KCNN2: variants seen among roughly 807,000 people sequenced by gnomAD.
KCNN2 encodes the protein potassium calcium-activated channel subfamily N member 2.
KCNN2 carries 24 observed loss-of-function variants against 55.5 expected under a neutral mutation model. That is an observed-to-expected ratio of 0.43 (90% CI 0.31 to 0.61). The LOEUF (loss-of-function observed/expected upper bound fraction) is 0.61, where lower values mean the gene tolerates loss of function less well. Among genes scored for constraint, KCNN2 ranks in the 20% least tolerant of loss-of-function variants. KCNN2 has a pLI of 0.08. For missense variants in KCNN2, 754 were observed against 853.6 expected (o/e 0.88, Z 1.45); for synonymous variants, 431 against 336.1 (o/e 1.28, Z -3.09).
At chr5:114,124,286 A>G (rs1432518413) in intron 1 of KCNN2, among the ~76,000 whole-genome samples, 1 of 152,222 alleles carries the variant, frequency 6.6e-6, no homozygotes, top group Non-Finnish European at 1.5e-5. Context: ...CTTTCCCCAA[A>G]TCACAAATAA....
intron 1 of KCNN2, among the ~76,000 whole-genome samples, chr5:114,109,628 A>G (rs1751554742): frequency 6.6e-6 from 1 of 152,086 alleles, no homozygotes; most frequent in African/African-American, 2.4e-5. Context: ...GGGTGGGACA[A>G]ATTGGGAGAA....
chr5:114,467,696 C>CA lies in KCNN2; in HGVS notation c.1779+4513dup, dbSNP rs1171636635. 3.3e-5 allele frequency among the ~76,000 whole-genome samples: 5 copies of CA among 151,780 alleles called. No individual in the cohort carries two copies. In the East Asian group the frequency reaches 5.8e-4, roughly 18 times the overall value. On this transcript the variant is annotated intron_variant, in intron 4 of 7. Coordinates refer to ENST00000673685, the MANE Select transcript of KCNN2 (RefSeq NM_021614.4). ...ACCAAGAAATTTCATAAGTGGATCG[C>CA]AAAAAAATGTCTTAAATATGACAGC...
At chr5:114,468,608 A>T (rs1340032760) in intron 4 of KCNN2, among the ~76,000 whole-genome samples, 1 of 152,244 alleles carries the variant, frequency 6.6e-6, no homozygotes, top group Admixed American at 6.5e-5. Context: ...AGGAGCTATT[A>T]TAAATCCCAC....
chr5:114,333,108 A>G (rs1195417585), intron 2 of KCNN2, among the ~76,000 whole-genome samples: 1 of 152,240 alleles, frequency 6.6e-6, no homozygotes. Flanking sequence ...TTACAGTCAG[A>G]AAGAATAAAT....
At chr5:114,139,252 A>G (rs1402678811) in intron 1 of KCNN2, among the ~76,000 whole-genome samples, 1 of 152,090 alleles carries the variant, frequency 6.6e-6, no homozygotes, top group African/African-American at 2.4e-5. Flanking sequence ...TGCATACTTG[A>G]TAATTTTGTG....
chr5:114,271,528 C>T (rs955163782), intron 2 of KCNN2, among the ~76,000 whole-genome samples: 1 of 152,136 alleles, frequency 6.6e-6, no homozygotes, highest in Non-Finnish European at 1.5e-5. Context: ...CAATACTATC[C>T]TCAAGGTGTA....
At chr5:114,440,051 G>C (rs1480605682) in intron 3 of KCNN2, among the ~76,000 whole-genome samples, 1 of 151,924 alleles carries the variant, frequency 6.6e-6, no homozygotes, top group Non-Finnish European at 1.5e-5. Flanking sequence ...TAAGACATAA[G>C]CCTCCCTCCA....
intron 3 of KCNN2, among the ~76,000 whole-genome samples, chr5:114,410,525 A>G (rs1304589746): frequency 6.6e-6 from 1 of 152,200 alleles, no homozygotes; most frequent in Non-Finnish European, 1.5e-5. Flanking sequence ...CATACTTGAC[A>G]TATGACAATA....
chr5:114,063,810 C>T (rs1428052554), intron 1 of KCNN2, among the ~76,000 whole-genome samples: 1 of 152,156 alleles, frequency 6.6e-6, no homozygotes, highest in African/African-American at 2.4e-5. Context: ...CCCTAAAAGG[C>T]ATACTAAGCT....
intron 2 of KCNN2, among the ~76,000 whole-genome samples, chr5:114,332,012 A>T: frequency 6.6e-6 from 1 of 152,230 alleles, no homozygotes; most frequent in East Asian, 1.9e-4. Context: ...AAAAGATAAA[A>T]ACCAAAAGGT....
chr5:114,171,677 T>A (rs1753036303), intron 1 of KCNN2, among the ~76,000 whole-genome samples: 1 of 49,788 alleles, frequency 2.0e-5, no homozygotes, highest in African/African-American at 5.1e-5. Context: ...TTTTCTTATA[T>A]GCTTTTTTTT....
chr5:114,434,568 C>G (rs1759935976), intron 3 of KCNN2, among the ~76,000 whole-genome samples: 1 of 152,158 alleles, frequency 6.6e-6, no homozygotes, highest in Non-Finnish European at 1.5e-5. Flanking sequence ...GTAAAAGGAG[C>G]TGGGATAAAC....
At chr5:114,412,419 A>C (rs183516065) in intron 3 of KCNN2, among the ~76,000 whole-genome samples, 2 of 133,442 alleles carry the variant, frequency 1.5e-5, no homozygotes, top group Admixed American at 1.5e-4. Context: ...TTTAAGATTC[A>C]ATATGTGATC....
intron 1 of KCNN2, among the ~76,000 whole-genome samples, chr5:114,201,593 G>C (rs4131322): frequency 0.36 from 55,372 of 151,978 alleles, 10,609 homozygotes; most frequent in East Asian, 0.73. Flanking sequence ...GTCCCTCCTT[G>C]ACCAAGCAAT....
At chr5:114,418,166 C>T (rs918860139) in intron 3 of KCNN2, among the ~76,000 whole-genome samples, 2 of 152,158 alleles carry the variant, frequency 1.3e-5, no homozygotes, top group Non-Finnish European at 2.9e-5. Context: ...AATTCTTACA[C>T]CTTTATTTTA....
At chr5:114,280,078 T>G (rs978735614) in intron 2 of KCNN2, among the ~76,000 whole-genome samples, 1 of 152,200 alleles carries the variant, frequency 6.6e-6, no homozygotes, top group African/African-American at 2.4e-5. Context: ...TCATGTGTCT[T>G]TTGGCTGCAT....
chr5:114,385,084 T>A (rs958033543), intron 2 of KCNN2, among the ~76,000 whole-genome samples: 1 of 152,210 alleles, frequency 6.6e-6, no homozygotes, highest in Admixed American at 6.5e-5. Context: ...GGTATGCAGA[T>A]GTGTTGCCCT....
chr5:114,450,308 G>A (rs1307813784), intron 3 of KCNN2, among the ~76,000 whole-genome samples: 1 of 152,306 alleles, frequency 6.6e-6, no homozygotes, highest in African/African-American at 2.4e-5. Flanking sequence ...GGGCCTGGTC[G>A]AGCATGGCTC....
At chr5:114,282,336 T>A (rs1480946517) in intron 2 of KCNN2, among the ~76,000 whole-genome samples, 1 of 152,016 alleles carries the variant, frequency 6.6e-6, no homozygotes, top group Non-Finnish European at 1.5e-5. Flanking sequence ...GAAATTTCCA[T>A]GTGATGGAAC....
Sources: allele counts gnomAD v4.1 joint callset (sites outside exome capture counted in the v4.1 genomes callset), GRCh38; gene constraint gnomAD v4.1.1; transcripts MANE v1.5; gene names NCBI Gene and HGNC (gene_info 2026-07-23, HGNC 2026-07-21).